Variants in TBL1XR1 observed in about 807,000 individuals in gnomAD.
TBL1XR1 encodes TBL1X/Y related 1.
In TBL1XR1, 5 loss-of-function variants were observed where a neutral mutation model predicts 66.9. The observed-to-expected ratio is 0.07, with a 90% CI of 0.04 to 0.16. TBL1XR1 has a LOEUF of 0.16. TBL1XR1 is among the 10% of genes least tolerant of loss of function. The pLI, the probability that TBL1XR1 is intolerant of heterozygous loss-of-function variation, is 1.00. For missense variants in TBL1XR1, 238 were observed against 623.2 expected (o/e 0.38, Z 6.58); for synonymous variants, 210 against 206.0 (o/e 1.02, Z -0.17).
At chr3:177,167,703 G>A (rs1732989411) in intron 1 of TBL1XR1, among the ~76,000 whole-genome samples, 1 of 152,244 alleles carries the variant, frequency 6.6e-6, no homozygotes, top group Admixed American at 6.5e-5. Flanking sequence ...GGCCAAGGCA[G>A]GCGGATCACC....
intron 1 of TBL1XR1, among the ~76,000 whole-genome samples, chr3:177,158,314 A>C (rs921176549): frequency 9.0e-4 from 134 of 148,496 alleles, no homozygotes; most frequent in African/African-American, 2.9e-3. Context: ...TGCAACCTCT[A>C]CCCTCCTGGG....
intron 9 of TBL1XR1, among the ~76,000 whole-genome samples, chr3:177,046,599 C>A (rs918258024): frequency 6.6e-6 from 1 of 152,154 alleles, no homozygotes; most frequent in African/African-American, 2.4e-5. Context: ...CCCAAAAAGG[C>A]AGCTTGAATT....
intron 3 of TBL1XR1, among the ~76,000 whole-genome samples, chr3:177,055,355 C>CT (rs1163443607): frequency 6.6e-6 from 1 of 152,110 alleles, no homozygotes; most frequent in Admixed American, 6.5e-5. Flanking sequence ...CCCCTTCCTT[C>CT]TCTCTTTGGA....
At chr3:177,105,280 T>C (rs1724734020) in intron 1 of TBL1XR1, among the ~76,000 whole-genome samples, 1 of 152,234 alleles carries the variant, frequency 6.6e-6, no homozygotes, top group Non-Finnish European at 1.5e-5. Context: ...ACTGTTTTCT[T>C]GTTTACATAA....
At chr3:177,112,108 T>TATATATATATA (rs1553846589) in intron 1 of TBL1XR1, among the ~76,000 whole-genome samples, 51 of 35,616 alleles carry the variant, frequency 1.4e-3, no homozygotes, top group African/African-American at 3.2e-3. Context: ...TATATATATA[T>TATATATATATA]TTTTTTTTTT....
chr3:177,039,213 T>A (rs200628258), intron 10 of TBL1XR1, among the ~76,000 whole-genome samples: 39 of 151,854 alleles, frequency 2.6e-4, no homozygotes, highest in African/African-American at 8.7e-4. Flanking sequence ...AGAAAAAAAA[T>A]AAAAATAAAA....
intron 1 of TBL1XR1, among the ~76,000 whole-genome samples, chr3:177,184,415 A>C (rs1735173905): frequency 6.6e-6 from 1 of 152,192 alleles, no homozygotes; most frequent in Non-Finnish European, 1.5e-5. Flanking sequence ...AATACCTTTG[A>C]AATAAGACAA....
intron 1 of TBL1XR1, among the ~76,000 whole-genome samples, chr3:177,156,590 T>C: frequency 6.7e-6 from 1 of 149,548 alleles, no homozygotes; most frequent in South Asian, 2.1e-4. Context: ...TATATATATA[T>C]AAAATTCTGA....
At chr3:177,195,334 G>C (rs758487511) in intron 1 of TBL1XR1, among the ~76,000 whole-genome samples, 3 of 151,568 alleles carry the variant, frequency 2.0e-5, no homozygotes, top group African/African-American at 4.8e-5. Context: ...ACTATTTCTA[G>C]AACTCTCAAC....
intron 1 of TBL1XR1, among the ~76,000 whole-genome samples, chr3:177,159,968 GTTTAA>G (rs1384240443): frequency 7.2e-5 from 11 of 152,270 alleles, no homozygotes; most frequent in Middle Eastern, 3.4e-3. Flanking sequence ...TAACCTCATA[GTTTAA>G]TTTAACTTAA....
chr3:177,140,717 T>C (rs1320679904), intron 1 of TBL1XR1, among the ~76,000 whole-genome samples: 3 of 152,220 alleles, frequency 2.0e-5, no homozygotes, highest in African/African-American at 7.2e-5. Context: ...ACAAGTTAAA[T>C]GACAGTATTA....
chr3:177,160,167 C>A (rs1732008040), intron 1 of TBL1XR1, among the ~76,000 whole-genome samples: 1 of 152,030 alleles, frequency 6.6e-6, no homozygotes, highest in Admixed American at 6.6e-5. Flanking sequence ...AGCTGCTTTG[C>A]AAACCATGTA....
intron 2 of TBL1XR1, among the ~76,000 whole-genome samples, chr3:177,074,919 G>C (rs1007730557): frequency 6.6e-6 from 1 of 152,134 alleles, no homozygotes; most frequent in African/African-American, 2.4e-5. Context: ...CACGGTTTAG[G>C]AATTTGTGGT....
intron 1 of TBL1XR1, among the ~76,000 whole-genome samples, chr3:177,117,083 T>C (rs1459723749): frequency 6.6e-6 from 1 of 152,200 alleles, no homozygotes; most frequent in Non-Finnish European, 1.5e-5. Flanking sequence ...AAATACTGAA[T>C]ATAAATGAGA....
Position 177,041,066 on chromosome 3 carries a change from T to A in TBL1XR1, c.926-2632A>T, listed in dbSNP as rs1271429421. ...CCAACAAAGTAAACATAGTCAAAAA[T>A]CACACCTCAGAGTTGTCAGGCTGAG... On this transcript the variant is annotated intron_variant, in intron 10 of 15. Transcript: ENST00000457928. The A allele has an allele frequency of 2.0e-5, 3 of 152,196 alleles. No homozygotes were observed. In the East Asian group the frequency reaches 5.8e-4, roughly 29 times the overall value. The allele number at this position is 152,196 out of a possible 1,614,324, so 9.4% of individuals were successfully genotyped here.
chr3:177,181,913 A>G (rs1734873081), intron 1 of TBL1XR1, among the ~76,000 whole-genome samples: 1 of 151,988 alleles, frequency 6.6e-6, no homozygotes, highest in Admixed American at 6.6e-5. Context: ...CCCAAATAAC[A>G]CCCCAATTCA....
chr3:177,194,976 C>T (rs1444334826), intron 1 of TBL1XR1, among the ~76,000 whole-genome samples: 1 of 151,990 alleles, frequency 6.6e-6, no homozygotes, highest in African/African-American at 2.4e-5. Flanking sequence ...CATAAACTGA[C>T]GGTGAGCTTT....
chr3:177,035,558 C>A (rs1327383750), intron 12 of TBL1XR1, among the ~76,000 whole-genome samples: 1 of 152,068 alleles, frequency 6.6e-6, no homozygotes, highest in African/African-American at 2.4e-5. Flanking sequence ...GGATTATAGG[C>A]ACCTGCCGCC....
chr3:177,137,537 A>T (rs1210926740), intron 1 of TBL1XR1, among the ~76,000 whole-genome samples: 2 of 152,180 alleles, frequency 1.3e-5, no homozygotes, highest in African/African-American at 4.8e-5. Flanking sequence ...ATAAAATCAA[A>T]CATTTTTTAA....
Sources: allele counts gnomAD v4.1 joint callset (sites outside exome capture counted in the v4.1 genomes callset), GRCh38; gene constraint gnomAD v4.1.1; transcripts MANE v1.5; gene names NCBI Gene and HGNC (gene_info 2026-07-23, HGNC 2026-07-21).